Variants in VXN observed in about 807,000 individuals in gnomAD.
VXN encodes vexin.
A neutral mutation model predicts 23.1 loss-of-function variants in VXN; 7 were observed. That is an observed-to-expected ratio of 0.30 (90% CI 0.17 to 0.57). VXN has a LOEUF of 0.57. Among genes scored for constraint, VXN ranks in the 20% least tolerant of loss-of-function variants. VXN has a pLI of 0.91. For synonymous variants in VXN, 120 were observed against 105.8 expected (o/e 1.13, Z -0.83); for missense variants, 238 against 272.6 (o/e 0.87, Z 0.89).
rs1245085313 is a variant in VXN at position 66,518,036 on chromosome 8, T to A, written c.*1960T>A. On this transcript the variant is annotated 3_prime_UTR_variant, in exon 6 of 6. Coordinates refer to ENST00000305454, the MANE Select transcript of VXN (RefSeq NM_152765.4). ...CAGATCCTCATATCTGAAAGTGATT[T>A]GGAGACCTGGGCATCAAGTGCTCTT... The A allele has an allele frequency of 1.3e-5, 2 of 152,268 alleles. No homozygotes were observed. The highest frequency in any genetic ancestry group is 1.3e-4 in the Admixed American group (2 of 15,290). The allele number at this position is 152,268 out of a possible 1,614,324, so 9.4% of individuals were successfully genotyped here.
At chr8:66,502,608 G>T (rs761294884) in intron 2 of VXN, among the ~76,000 whole-genome samples, 2 of 152,116 alleles carry the variant, frequency 1.3e-5, no homozygotes, top group African/African-American at 4.8e-5. Context: ...TTAGCCAGGC[G>T]TGGTGGCAGG....
At chr8:66,497,681 T>C (rs922566938) in intron 2 of VXN, among the ~76,000 whole-genome samples, 2 of 152,238 alleles carry the variant, frequency 1.3e-5, no homozygotes, top group African/African-American at 2.4e-5. Flanking sequence ...TTTCATAGGA[T>C]AGCATTTCAA....
intron 2 of VXN, among the ~76,000 whole-genome samples, chr8:66,502,325 G>A (rs906244177): frequency 7.9e-5 from 12 of 152,248 alleles, no homozygotes; most frequent in Admixed American, 3.9e-4. Flanking sequence ...ATGAAGATTC[G>A]TGGCCCCTTC....
chr8:66,496,871 GA>G (rs1396523505), intron 2 of VXN, among the ~76,000 whole-genome samples: 1 of 151,758 alleles, frequency 6.6e-6, no homozygotes, highest in African/African-American at 2.4e-5. Context: ...GCACAGCAAT[GA>G]ATGTATTTAT....
At position 66,506,658 on chromosome 8, in the gene VXN, G is replaced by A. The variant is rs192797131; in HGVS notation, c.280+1130G>A. On this transcript the variant is annotated intron_variant, in intron 3 of 5. Transcript: ENST00000305454. ...AAGGACTGAAATAAGACTCTACTGC[G>A]TATAGTCCCTTCCTCCATCCAACTT... 2.6e-5 allele frequency among the ~76,000 whole-genome samples: 4 copies of A among 152,202 alleles called. No homozygotes were observed. The East Asian group carries it at 5.8e-4, about 22-fold the overall frequency.
intron 4 of VXN, among the ~76,000 whole-genome samples, chr8:66,510,710 G>A (rs1807811941): frequency 6.6e-6 from 1 of 152,140 alleles, no homozygotes; most frequent in Admixed American, 6.5e-5. Flanking sequence ...TCTCTTTCTG[G>A]CTTGCAGATG....
chr8:66,516,169 C>T lies in VXN; in HGVS notation c.*93C>T. 8.4e-7 allele frequency: 1 copy of T among 1,191,178 alleles called. No individual in the cohort carries two copies. The highest frequency in any genetic ancestry group is 1.1e-6 in the Non-Finnish European group (1 of 874,014). 73.8% of individuals were successfully genotyped at this position (1,191,178 alleles called of 1,614,324 possible). ...TGAAACTGAGCCACACGCACCTCTGCTAGTAGCTGGTCCAAACCCATTATC... is the reference window on the plus strand; with the variant it reads ...TGAAACTGAGCCACACGCACCTCTGTTAGTAGCTGGTCCAAACCCATTATC... On this transcript the variant is annotated 3_prime_UTR_variant, in exon 6 of 6. Coordinates refer to ENST00000305454, the MANE Select transcript of VXN (RefSeq NM_152765.4).
chr8:66,513,596 G>A lies in VXN; in HGVS notation c.399G>A (p.Ala133=), dbSNP rs759014460. 52 of 1,614,042 alleles carry A rather than the reference G, an allele frequency of 3.2e-5. No individual in the cohort carries two copies. Among genetic ancestry groups the A allele is most frequent in the South Asian group, 8.8e-5 (8 of 91,076 alleles). ...VKTSASASLE[A]TAMGTEKGAV... ...CTTCAGCCTCTGCCTCATTGGAGGC[G>A]ACAGCCATGGGCACAGAGAAGGGAG... The change falls in exon 5 of 6, where the codon GCG becomes GCA. Residue 133 remains alanine, a synonymous_variant. Transcript: ENST00000305454.
Position 66,512,345 on chromosome 8 carries a change from C to T in VXN, c.343-1195C>T, listed in dbSNP as rs111971952. ...GGCCCATGGCATAATGGGAAGGAAGCGTTTGCACGGACCACAAGGTGGCAC... is the reference window on the plus strand; with the variant it reads ...GGCCCATGGCATAATGGGAAGGAAGTGTTTGCACGGACCACAAGGTGGCAC... On this transcript the variant is annotated intron_variant, in intron 4 of 5. Coordinates refer to ENST00000305454, the MANE Select transcript of VXN (RefSeq NM_152765.4). 1.0e-3 allele frequency among the ~76,000 whole-genome samples: 153 copies of T among 152,272 alleles called. 1 individual carries two copies. The highest frequency in any genetic ancestry group is 3.5e-3 in the African/African-American group (147 of 41,550).
intron 3 of VXN, among the ~76,000 whole-genome samples, chr8:66,509,041 AC>A (rs1807792198): frequency 2.0e-5 from 3 of 152,196 alleles, no homozygotes; most frequent in Admixed American, 1.3e-4. Context: ...ATGAGATAAT[AC>A]TTTTACGGTT....
intron 3 of VXN, 108 bp from the exon 4 acceptor site, chr8:66,509,988 G>C (rs1807803263): frequency 1.7e-5 from 18 of 1,077,630 alleles, no homozygotes; most frequent in Non-Finnish European, 2.6e-5. Flanking sequence ...AAGGCCTTTA[G>C]AAATTCCCTG....
chr8:66,502,957 C>T (rs1484768438), intron 2 of VXN, among the ~76,000 whole-genome samples: 2 of 151,762 alleles, frequency 1.3e-5, no homozygotes, highest in African/African-American at 4.8e-5. Flanking sequence ...GGTGATCCTC[C>T]CATTTCAGCC....
At chr8:66,502,061 C>T (rs1164406008) in intron 2 of VXN, among the ~76,000 whole-genome samples, 1 of 152,184 alleles carries the variant, frequency 6.6e-6, no homozygotes, top group Non-Finnish European at 1.5e-5. Flanking sequence ...TACCTCTTTC[C>T]TCCCTGAGCA....
rs747399587 is a variant in VXN at position 66,496,427 on chromosome 8, G to A, written c.71-10G>A. On this transcript the variant is annotated splice_polypyrimidine_tract_variant and intron_variant, in intron 1 of 5. Coordinates refer to ENST00000305454, the MANE Select transcript of VXN (RefSeq NM_152765.4). ...TGTCTAAAACCATTTCTTTCTCTCTGTCTTTGCAGTATCCAGTCCAGCCAG... is the reference window on the plus strand; with the variant it reads ...TGTCTAAAACCATTTCTTTCTCTCTATCTTTGCAGTATCCAGTCCAGCCAG... The A allele has an allele frequency of 6.2e-7, 1 of 1,613,848 alleles. No individual in the cohort carries two copies. Among genetic ancestry groups the A allele is most frequent in the South Asian group, 1.1e-5 (1 of 91,054 alleles).
chr8:66,499,632 T>G (rs952809894), intron 2 of VXN, among the ~76,000 whole-genome samples: 1 of 152,032 alleles, frequency 6.6e-6, no homozygotes, highest in African/African-American at 2.4e-5. Context: ...GTCGGCTCAC[T>G]GCAACCTCCG....
chr8:66,502,179 T>G (rs933409028), intron 2 of VXN, among the ~76,000 whole-genome samples: 1 of 152,176 alleles, frequency 6.6e-6, no homozygotes, highest in African/African-American at 2.4e-5. Flanking sequence ...CTCTCCAGTC[T>G]TTAATTTTTT....
chr8:66,502,401 T>C (rs1208231859), intron 2 of VXN, among the ~76,000 whole-genome samples: 1 of 152,214 alleles, frequency 6.6e-6, no homozygotes, highest in Non-Finnish European at 1.5e-5. Flanking sequence ...CACATTCTTC[T>C]CAGATTTCAA....
At chr8:66,507,140 A>G (rs1164940887) in intron 3 of VXN, among the ~76,000 whole-genome samples, 1 of 152,200 alleles carries the variant, frequency 6.6e-6, no homozygotes, top group Non-Finnish European at 1.5e-5. Flanking sequence ...TGCTCTGGGC[A>G]CAACATATTG....
Position 66,505,405 on chromosome 8 carries a change from C to A in VXN, c.157C>A (p.Gln53Lys). ...VVIESDLYTHQPLELLPHRGD... is the reference protein window; with the variant it reads ...VVIESDLYTHKPLELLPHRGD... ...GATCGAGTCGGACCTGTACACGCAC[C>A]AGCCCCTGGAGCTGCTGCCCCACCG... Residue 53 changes from glutamine (Q) to lysine (K), a missense_variant, in exon 3 of 6, where the codon CAG becomes AAG. This residue lies in a region of VXN where 223 missense variants were observed against 236.9 expected (regional missense o/e 0.94). Coordinates refer to ENST00000305454, the MANE Select transcript of VXN (RefSeq NM_152765.4). 6.3e-7 allele frequency: 1 copy of A among 1,580,938 alleles called. No homozygotes were observed. The highest frequency in any genetic ancestry group is 8.6e-7 in the Non-Finnish European group (1 of 1,164,242).
Sources: allele counts gnomAD v4.1 joint callset (sites outside exome capture counted in the v4.1 genomes callset), GRCh38; gene constraint gnomAD v4.1.1; regional missense constraint gnomAD v4.1.1; transcripts MANE v1.5; gene names NCBI Gene and HGNC (gene_info 2026-07-23, HGNC 2026-07-21).